The following MTA3 variants were observed in gnomAD, a reference collection of about 807,000 sequenced individuals.
The protein encoded by MTA3 is metastasis-associated protein MTA3.
Under a neutral mutation model 83.5 loss-of-function variants are expected in MTA3, and 34 were observed. The observed-to-expected ratio is 0.41, with a 90% CI of 0.31 to 0.54. MTA3 has a LOEUF of 0.54. Among genes scored for constraint, MTA3 ranks in the 20% least tolerant of loss-of-function variants. The pLI is 0.33. For synonymous variants in MTA3, 303 were observed against 252.7 expected (o/e 1.20, Z -1.89); for missense variants, 761 against 726.4 (o/e 1.05, Z -0.55).
At chr2:42,657,873 T>C (rs1423131895) in intron 7 of MTA3, among the ~76,000 whole-genome samples, 3 of 150,748 alleles carry the variant, frequency 2.0e-5, no homozygotes, top group African/African-American at 4.9e-5. Context: ...AGGTCAAGAC[T>C]AGCCTGGCCA....
At chr2:42,744,070 C>CA (rs778572488) in intron 16 of MTA3, among the ~76,000 whole-genome samples, 2 of 152,024 alleles carry the variant, frequency 1.3e-5, no homozygotes, top group Non-Finnish European at 2.9e-5. Flanking sequence ...CTTTGAGATT[C>CA]AAAAAAATAT....
At chr2:42,571,604 A>G (rs1393685124) in intron 2 of MTA3, among the ~76,000 whole-genome samples, 1 of 152,084 alleles carries the variant, frequency 6.6e-6, no homozygotes, top group East Asian at 1.9e-4. Flanking sequence ...GTGAATTAAT[A>G]TTTTCCTCTT....
At chr2:42,562,370 T>G (rs1197010947) in intron 2 of MTA3, among the ~76,000 whole-genome samples, 1 of 152,186 alleles carries the variant, frequency 6.6e-6, no homozygotes, top group Non-Finnish European at 1.5e-5. Flanking sequence ...ATTTGCTTTT[T>G]CAGGCTGTGT....
At chr2:42,718,610 A>G (rs1013054223) in intron 14 of MTA3, among the ~76,000 whole-genome samples, 1 of 151,792 alleles carries the variant, frequency 6.6e-6, no homozygotes, top group East Asian at 2.0e-4. Flanking sequence ...TAAAAACACA[A>G]AAATTAGCCC....
chr2:42,569,616 A>C (rs1348404907), intron 1 of MTA3: 1 of 152,132 alleles, frequency 6.6e-6, no homozygotes, highest in Non-Finnish European at 1.5e-5. Flanking sequence ...TGCAGAAGAG[A>C]GCGGCGAAAG....
chr2:42,619,263 C>G (rs76178756), intron 4 of MTA3, among the ~76,000 whole-genome samples: 2,082 of 152,210 alleles, frequency 0.014, 45 homozygotes, highest in African/African-American at 0.047. Flanking sequence ...AGAAAGAGCA[C>G]TCATGAAAAA....
intron 4 of MTA3, among the ~76,000 whole-genome samples, chr2:42,632,280 C>G (rs1229100532): frequency 6.6e-6 from 1 of 151,610 alleles, no homozygotes; most frequent in Non-Finnish European, 1.5e-5. Flanking sequence ...TTAGTAGAGA[C>G]AGGGTTTCAC....
chr2:42,744,510 C>G (rs769592377), intron 16 of MTA3, among the ~76,000 whole-genome samples: 1 of 152,156 alleles, frequency 6.6e-6, no homozygotes, highest in Non-Finnish European at 1.5e-5. Flanking sequence ...GGTAAACGAT[C>G]TTTTTAAATT....
intron 4 of MTA3, among the ~76,000 whole-genome samples, chr2:42,623,412 A>G (rs1483749239): frequency 6.6e-6 from 1 of 152,162 alleles, no homozygotes; most frequent in Non-Finnish European, 1.5e-5. Context: ...GACTCCCTGG[A>G]CATAAGTTCC....
intron 2 of MTA3, among the ~76,000 whole-genome samples, chr2:42,577,091 T>TTAAAAA (rs1679121263): frequency 5.2e-5 from 1 of 19,218 alleles, no homozygotes; most frequent in East Asian, 1.2e-3. Flanking sequence ...GTACTCCATC[T>TTAAAAA]AAAAAAAAAA....
At chr2:42,672,833 T>C (rs972842729) in intron 8 of MTA3, among the ~76,000 whole-genome samples, 5 of 137,696 alleles carry the variant, frequency 3.6e-5, no homozygotes, top group African/African-American at 1.4e-4. Context: ...CAAACTTTTT[T>C]ACGTATAAAA....
At chr2:42,716,353 G>C (rs1169125865) in intron 14 of MTA3, among the ~76,000 whole-genome samples, 2 of 152,068 alleles carry the variant, frequency 1.3e-5, no homozygotes, top group African/African-American at 4.8e-5. Context: ...AAAAAGTTCA[G>C]GGGTACATGT....
chr2:42,753,261 G>T (rs1045996638), intron 16 of MTA3, 113 bp from the exon 17 acceptor site: 14 of 1,524,788 alleles, frequency 9.2e-6, no homozygotes, highest in African/African-American at 2.8e-5. Context: ...CTACTGCTGA[G>T]CCTCCTTTCC....
chr2:42,656,745 A>G (rs1303717320), intron 7 of MTA3, among the ~76,000 whole-genome samples: 1 of 152,220 alleles, frequency 6.6e-6, no homozygotes, highest in Admixed American at 6.5e-5. Context: ...CAACCTGGCT[A>G]CCTGGCTGGC....
chr2:42,618,588 T>G (rs1281070536), intron 4 of MTA3, among the ~76,000 whole-genome samples: 1 of 152,044 alleles, frequency 6.6e-6, no homozygotes, highest in Non-Finnish European at 1.5e-5. Flanking sequence ...ACTACTGACA[T>G]TTTGGTATAT....
chr2:42,663,266 A>G (rs538236917), intron 8 of MTA3, among the ~76,000 whole-genome samples: 1 of 152,240 alleles, frequency 6.6e-6, no homozygotes, highest in Non-Finnish European at 1.5e-5. Context: ...GACTTGCCTG[A>G]GGTAGAGAGG....
intron 9 of MTA3, 40 bp downstream of exon 9, chr2:42,682,629 G>T (rs1243987999): frequency 6.5e-7 from 1 of 1,529,140 alleles, no homozygotes; most frequent in South Asian, 1.2e-5. Flanking sequence ...TGTTGAGATG[G>T]GAATATTCTG....
chr2:42,551,787 G>A (rs966428011), intron 2 of MTA3, among the ~76,000 whole-genome samples: 3 of 151,010 alleles, frequency 2.0e-5, no homozygotes, highest in African/African-American at 7.4e-5. Context: ...GAGTGCAGTG[G>A]TGCGATCTCG....
chr2:42,591,641 T>G (rs1447722479), intron 3 of MTA3, among the ~76,000 whole-genome samples: 1 of 151,476 alleles, frequency 6.6e-6, no homozygotes, highest in East Asian at 1.9e-4. Context: ...TTCTTTTTAT[T>G]TTATTTATTT....
Sources: gnomAD v4.1 joint callset for allele counts (sites outside exome capture counted in the v4.1 genomes callset) on GRCh38, gnomAD v4.1.1 for gene constraint, MANE v1.5 for transcripts, NCBI Gene and HGNC (gene_info 2026-07-23, HGNC 2026-07-21) for gene names.